Variants in EXD2 observed in about 807,000 individuals in gnomAD.
The protein encoded by EXD2 is exonuclease 3'-5' domain containing 2, also known as exonuclease 3'-5' domain-containing protein 2.
Under a neutral mutation model 62.5 loss-of-function variants are expected in EXD2, and 40 were observed. That is an observed-to-expected ratio of 0.64 (90% CI 0.50 to 0.83). EXD2 has a LOEUF of 0.83. EXD2 is among the 40% of genes least tolerant of loss of function. The pLI, the probability that EXD2 is intolerant of heterozygous loss-of-function variation, is 0.00. For missense variants in EXD2, 671 were observed against 761.8 expected, an observed-to-expected ratio of 0.88 and a Z score of 1.40; for synonymous variants, 239 against 291.9, an observed-to-expected ratio of 0.82 and a Z score of 1.85.
intron 2 of EXD2, among the ~76,000 whole-genome samples, chr14:69,208,055 C>T (rs554708227): frequency 8.6e-5 from 13 of 151,876 alleles, no homozygotes; most frequent in South Asian, 4.2e-4. Context: ...CCCACCACCA[C>T]GCCTGGCTAA....
intron 5 of EXD2, among the ~76,000 whole-genome samples, chr14:69,233,707 T>C (rs2043669415): frequency 1.3e-5 from 2 of 151,720 alleles, no homozygotes; most frequent in Non-Finnish European, 1.5e-5. Context: ...TCCCAAAGTG[T>C]TGGGATTACA....
chr14:69,199,231 G>T (rs2042308524), intron 1 of EXD2, among the ~76,000 whole-genome samples: 1 of 152,226 alleles, frequency 6.6e-6, no homozygotes, highest in Non-Finnish European at 1.5e-5. Flanking sequence ...GCAACAGAGT[G>T]AGACTCCGTC....
chr14:69,238,401 A>G (rs1323109573), intron 9 of EXD2, among the ~76,000 whole-genome samples: 1 of 152,164 alleles, frequency 6.6e-6, no homozygotes, highest in Non-Finnish European at 1.5e-5. Context: ...AAAATCCACC[A>G]ATGCTTAAGT....
intron 3 of EXD2, among the ~76,000 whole-genome samples, chr14:69,210,651 A>G (rs990545572): frequency 2.0e-5 from 3 of 152,058 alleles, no homozygotes; most frequent in African/African-American, 7.2e-5. Flanking sequence ...CATCTCTACA[A>G]AAAGAGAAAT....
At chr14:69,211,948 C>T (rs1406517331) in intron 3 of EXD2, among the ~76,000 whole-genome samples, 1 of 152,174 alleles carries the variant, frequency 6.6e-6, no homozygotes, top group Non-Finnish European at 1.5e-5. Context: ...GTATTAAACT[C>T]AGGTTGGATT....
At chr14:69,217,591 C>T (rs1206353259) in intron 3 of EXD2, among the ~76,000 whole-genome samples, 1 of 151,808 alleles carries the variant, frequency 6.6e-6, no homozygotes, top group Non-Finnish European at 1.5e-5. Context: ...ACACAACATG[C>T]AGGTTTGTTA....
At chr14:69,214,494 C>CT (rs1566825504) in intron 3 of EXD2, among the ~76,000 whole-genome samples, 1 of 151,998 alleles carries the variant, frequency 6.6e-6, no homozygotes, top group South Asian at 2.1e-4. Context: ...GCCCCTGAGT[C>CT]TTTTTTTAGA....
rs1420448273 is a variant in EXD2, at chr14:69,237,704, G to A, written c.1422G>A (p.Lys474=). The A allele has an allele frequency of 2.5e-6, 4 of 1,614,076 alleles. No homozygotes were observed. Among genetic ancestry groups the A allele is most frequent in the Non-Finnish European group, 3.4e-6 (4 of 1,180,024 alleles). Residue 474 remains lysine, a synonymous_variant, in exon 9 of 10, where the codon AAG becomes AAA. Coordinates refer to ENST00000685843, the MANE Select transcript of EXD2 (RefSeq NM_001193360.2). ...AISNYYDNHL[K]QQLAKEFQAP... is the part of the protein sequence containing the mutation. Reference sequence around the variant, plus strand: ...CCAACTACTATGACAACCATCTGAAGCAGCAGCTGGCCAAGGAGTTCCAGG... The same window carrying A: ...CCAACTACTATGACAACCATCTGAAACAGCAGCTGGCCAAGGAGTTCCAGG...
chr14:69,207,235 T>C (rs1211262939), intron 2 of EXD2, among the ~76,000 whole-genome samples: 12 of 152,132 alleles, frequency 7.9e-5, no homozygotes, highest in Admixed American at 7.9e-4. Flanking sequence ...GGCTCACACC[T>C]GTAATCACAG....
chr14:69,237,871 T>G lies in EXD2; in HGVS notation c.1589T>G (p.Phe530Cys). Residue 530 changes from phenylalanine to cysteine, a missense_variant, in exon 9 of 10, where the codon TTT (phenylalanine) becomes TGT (cysteine). Transcript: ENST00000685843. ...GAGCTGCTGCAAGCACTCAGAGAGT[T>G]TTATAACACAGACGTGGTCACAGAG... ...KEELLQALRE[F>C]YNTDVVTEEM... 1 of 1,609,864 alleles carries G rather than the reference T, an allele frequency of 6.2e-7. No homozygotes were observed. The highest frequency in any genetic ancestry group is 1.1e-5 in the South Asian group (1 of 90,496).
At chr14:69,201,165 T>A (rs2042384888) in intron 1 of EXD2, among the ~76,000 whole-genome samples, 1 of 152,158 alleles carries the variant, frequency 6.6e-6, no homozygotes, top group Non-Finnish European at 1.5e-5. Context: ...TTTACATGTA[T>A]AATACATCTT....
rs1594737676 is a variant in EXD2, at chr14:69,206,606, A to G, written c.-48+2606A>G. Among the ~76,000 whole-genome samples the G allele has an allele frequency of 5.9e-5, 9 of 151,522 alleles. No individual in the cohort carries two copies. The East Asian group carries it at 1.7e-3, about 29-fold the overall frequency. ...GCTATCCTCCCACCTCAGGCCCCCC[A>G]AGTAGCTGATACTTAAGGCATGTGC... On this transcript the variant is annotated intron_variant, in intron 2 of 9. Transcript: ENST00000685843.
At chr14:69,216,487 G>A (rs1014281218) in intron 3 of EXD2, among the ~76,000 whole-genome samples, 1 of 152,058 alleles carries the variant, frequency 6.6e-6, no homozygotes, top group Non-Finnish European at 1.5e-5. Context: ...GAGTGCAGTG[G>A]CATGATCTCG....
At chr14:69,207,675 T>TA (rs2042652021) in intron 2 of EXD2, among the ~76,000 whole-genome samples, 1 of 152,082 alleles carries the variant, frequency 6.6e-6, no homozygotes, top group South Asian at 2.1e-4. Context: ...GTGCCTAGGG[T>TA]GTTTTTGTTT....
At chr14:69,220,260 T>C (rs1000182304) in intron 3 of EXD2, among the ~76,000 whole-genome samples, 18 of 35,640 alleles carry the variant, frequency 5.1e-4, no homozygotes, top group African/African-American at 1.4e-3. Context: ...TCTGTTTTTT[T>C]TTTTTTTTTT....
chr14:69,211,078 A>T (rs1644868038), intron 3 of EXD2, among the ~76,000 whole-genome samples: 1 of 150,920 alleles, frequency 6.6e-6, no homozygotes, highest in East Asian at 1.9e-4. Context: ...ACATTGGTTG[A>T]CTCTTCCTTT....
chr14:69,199,358 T>C (rs74763623), intron 1 of EXD2, among the ~76,000 whole-genome samples: 2,018 of 152,320 alleles, frequency 0.013, 41 homozygotes, highest in African/African-American at 0.047. Context: ...ATGTGAAGGC[T>C]TAGGACGTGA....
In EXD2 at chr14:69,220,257, T is replaced by C. The variant is rs1487097418; in HGVS notation, c.334-8559T>C. On this transcript the variant is annotated intron_variant, in intron 3 of 9. Transcript: ENST00000685843. ...CAGCAAGTGTTTTGTCTCTCTGTTTTTTTTTTTTTTTTTTTTTTTTTTTTT... is the reference window on the plus strand; with the variant it reads ...CAGCAAGTGTTTTGTCTCTCTGTTTCTTTTTTTTTTTTTTTTTTTTTTTTT... Among the ~76,000 whole-genome samples, 36 of 30,092 alleles carry C rather than the reference T, an allele frequency of 1.2e-3. 1 individual carries two copies. Among genetic ancestry groups the C allele is most frequent in the African/African-American group, 4.8e-3 (35 of 7,276 alleles). 19.7% of individuals were successfully genotyped at this position (30,092 alleles called of 152,430 possible).
intron 1 of EXD2, among the ~76,000 whole-genome samples, chr14:69,197,957 G>A (rs2042263219): frequency 1.3e-5 from 2 of 152,256 alleles, no homozygotes; most frequent in African/African-American, 2.4e-5. Context: ...CATGTAAAGT[G>A]CCTGGCACAT....
Sources: allele counts gnomAD v4.1 joint callset (sites outside exome capture counted in the v4.1 genomes callset), GRCh38; gene constraint gnomAD v4.1.1; transcripts MANE v1.5; gene names NCBI Gene and HGNC (gene_info 2026-07-23, HGNC 2026-07-21).